The following CDH7 variants were observed in gnomAD, a reference collection of about 807,000 sequenced individuals.
CDH7 encodes the protein cadherin-7.
Under a neutral mutation model 71.8 loss-of-function variants are expected in CDH7, and 25 were observed. That is an observed-to-expected ratio of 0.35 (90% confidence interval 0.25 to 0.49). CDH7 has a LOEUF of 0.49. Among genes scored for constraint, CDH7 ranks in the 20% least tolerant of loss-of-function variants. CDH7 has a pLI of 0.99. For missense variants in CDH7, 862 were observed against 974.6 expected (o/e 0.88, Z 1.54); for synonymous variants, 381 against 363.8 (o/e 1.05, Z -0.54).
intron 11 of CDH7, among the ~76,000 whole-genome samples, chr18:65,878,439 G>A (rs1335906939): frequency 6.6e-6 from 1 of 152,108 alleles, no homozygotes; most frequent in Non-Finnish European, 1.5e-5. Flanking sequence ...AGGAAGGTTG[G>A]ACAAGGCCTT....
Position 65,765,525 on chromosome 18 carries a change from G to A in CDH7, c.210+2473G>A, listed in dbSNP as rs369900648. Among the ~76,000 whole-genome samples, 411 of 150,832 alleles carry A rather than the reference G, an allele frequency of 2.7e-3. 5 individuals are homozygous for A. In the South Asian group the frequency reaches 0.044, roughly 16 times the overall value. On this transcript the variant is annotated intron_variant, in intron 2 of 11. Coordinates refer to ENST00000397968, the MANE Select transcript of CDH7 (RefSeq NM_004361.5). ...CCCAGAAATGTTTGTAGGACAGAAAGAAATAAAAATTATAGAAGAAGATGT... is the reference window on the plus strand; with the variant it reads ...CCCAGAAATGTTTGTAGGACAGAAAAAAATAAAAATTATAGAAGAAGATGT...
intron 4 of CDH7, among the ~76,000 whole-genome samples, chr18:65,815,718 C>A (rs1911699618): frequency 6.6e-6 from 1 of 152,082 alleles, no homozygotes; most frequent in Non-Finnish European, 1.5e-5. Flanking sequence ...AAGAAGCAGT[C>A]ATGATTAAGC....
intron 10 of CDH7, 65 bp from the exon 11 acceptor site, chr18:65,862,601 A>T: frequency 6.6e-7 from 1 of 1,517,210 alleles, no homozygotes; most frequent in Admixed American, 1.9e-5. Context: ...AGTGACTTAA[A>T]TAAAGTTTGG....
intron 7 of CDH7, among the ~76,000 whole-genome samples, chr18:65,851,018 GGTCTCTAA>G (rs1251582046): frequency 6.6e-6 from 1 of 151,918 alleles, no homozygotes; most frequent in African/African-American, 2.4e-5. Context: ...TGCCTAGGCT[GGTCTCTAA>G]GTCCTGAACT....
intron 2 of CDH7, among the ~76,000 whole-genome samples, chr18:65,787,230 G>A (rs992119153): frequency 4.6e-5 from 7 of 151,992 alleles, no homozygotes; most frequent in East Asian, 1.9e-4. Context: ...ACATTTCATC[G>A]TTTTAAATGT....
At chr18:65,836,856 A>G (rs1568211908) in intron 6 of CDH7, among the ~76,000 whole-genome samples, 1 of 152,146 alleles carries the variant, frequency 6.6e-6, no homozygotes, top group Non-Finnish European at 1.5e-5. Context: ...ATTTTATTCA[A>G]AAATAATCAT....
At chr18:65,791,907 T>G (rs921074174) in intron 2 of CDH7, among the ~76,000 whole-genome samples, 1 of 152,194 alleles carries the variant, frequency 6.6e-6, no homozygotes, top group Non-Finnish European at 1.5e-5. Flanking sequence ...CATCCTTATC[T>G]TTCATCTGTT....
intron 6 of CDH7, among the ~76,000 whole-genome samples, chr18:65,840,681 G>A (rs1343756442): frequency 6.6e-6 from 1 of 152,084 alleles, no homozygotes; most frequent in Admixed American, 6.6e-5. Flanking sequence ...CGTGAGATGT[G>A]CCTTTCACCT....
At chr18:65,843,408 G>T (rs1912807702) in intron 6 of CDH7, among the ~76,000 whole-genome samples, 1 of 152,052 alleles carries the variant, frequency 6.6e-6, no homozygotes, top group African/African-American at 2.4e-5. Flanking sequence ...TTTTAAATGA[G>T]AAATTCAATA....
chr18:65,779,049 T>C (rs1910073721), intron 2 of CDH7, among the ~76,000 whole-genome samples: 1 of 148,588 alleles, frequency 6.7e-6, no homozygotes, highest in Non-Finnish European at 1.5e-5. Context: ...TTCAGACATA[T>C]GTGACAGGAG....
intron 6 of CDH7, among the ~76,000 whole-genome samples, chr18:65,839,558 C>T (rs376704261): frequency 3.9e-5 from 6 of 152,078 alleles, no homozygotes; most frequent in Non-Finnish European, 7.4e-5. Flanking sequence ...ATATAAAATG[C>T]AAAAGAAACA....
chr18:65,874,917 A>G (rs1432091545), intron 11 of CDH7, among the ~76,000 whole-genome samples: 1 of 152,106 alleles, frequency 6.6e-6, no homozygotes, highest in Non-Finnish European at 1.5e-5. Context: ...CAGGATGACA[A>G]CGAGGTTTTG....
At chr18:65,766,877 G>C (rs1371501245) in intron 2 of CDH7, among the ~76,000 whole-genome samples, 1 of 112,456 alleles carries the variant, frequency 8.9e-6, no homozygotes, top group South Asian at 3.0e-4. Flanking sequence ...TCCTGTAACT[G>C]TCTGACGTAA....
intron 11 of CDH7, among the ~76,000 whole-genome samples, chr18:65,875,700 C>A (rs1469230030): frequency 2.0e-5 from 3 of 152,084 alleles, no homozygotes; most frequent in South Asian, 2.1e-4. Context: ...CCAGCCTGGG[C>A]AAACTGGCAA....
At chr18:65,758,853 G>A (rs947830617) in intron 1 of CDH7, among the ~76,000 whole-genome samples, 5 of 152,180 alleles carry the variant, frequency 3.3e-5, no homozygotes, top group South Asian at 4.1e-4. Flanking sequence ...AATGGTTTCC[G>A]AATGTCAATT....
intron 7 of CDH7, among the ~76,000 whole-genome samples, chr18:65,845,060 C>A (rs1219115352): frequency 6.6e-6 from 1 of 151,546 alleles, no homozygotes; most frequent in African/African-American, 2.4e-5. Context: ...TCTAAATTGT[C>A]ATGAAAATTA....
intron 7 of CDH7, among the ~76,000 whole-genome samples, chr18:65,848,013 C>G (rs1912994791): frequency 6.6e-6 from 1 of 151,766 alleles, no homozygotes; most frequent in East Asian, 1.9e-4. Flanking sequence ...TGAGGGCAAG[C>G]ACGTTTCCGG....
intron 2 of CDH7, among the ~76,000 whole-genome samples, chr18:65,766,252 A>G (rs1233629071): frequency 6.6e-6 from 1 of 152,132 alleles, no homozygotes; most frequent in Non-Finnish European, 1.5e-5. Flanking sequence ...AGACTTTCAA[A>G]TTTCGAGTCC....
intron 1 of CDH7, among the ~76,000 whole-genome samples, chr18:65,760,536 A>G (rs540313542): frequency 3.3e-5 from 5 of 152,310 alleles, no homozygotes; most frequent in African/African-American, 1.2e-4. Flanking sequence ...TATTGCATCT[A>G]AAAACTATAT....
Sources: allele counts gnomAD v4.1 joint callset (sites outside exome capture counted in the v4.1 genomes callset), GRCh38; gene constraint gnomAD v4.1.1; transcripts MANE v1.5; gene names NCBI Gene and HGNC (gene_info 2026-07-23, HGNC 2026-07-21).